ZNF680: variants seen among roughly 807,000 people sequenced by gnomAD.
The protein encoded by ZNF680 is hypothetical protein FLJ90430.
A neutral mutation model predicts 12.1 loss-of-function variants in ZNF680; 6 were observed. That is an observed-to-expected ratio of 0.49 (90% CI 0.27 to 0.98). The LOEUF (loss-of-function observed/expected upper bound fraction) is 0.98. Ranked by LOEUF, ZNF680 falls within the 50% of genes least tolerant of loss-of-function variation. The pLI is 0.12. For missense variants in ZNF680, 561 were observed against 616.3 expected, an observed-to-expected ratio of 0.91 and a Z score of 0.95; for synonymous variants, 170 against 199.3, an observed-to-expected ratio of 0.85 and a Z score of 1.24.
chr7:64,527,791 T>C (rs1379771976), intron 3 of ZNF680, among the ~76,000 whole-genome samples: 1 of 151,752 alleles, frequency 6.6e-6, no homozygotes, highest in African/African-American at 2.4e-5. Context: ...GGCATCATGG[T>C]GGATGGGAGG....
chr7:64,501,510 G>A, the ZNF680 span: 8 of 792,058 alleles, frequency 1.0e-5, no homozygotes, highest in Non-Finnish European at 1.8e-5. Flanking sequence ...GATGAAGAAC[G>A]GTAAGTGAGA....
At position 64,543,812 on chromosome 7, in the gene ZNF680, T is replaced by TA. The variant is rs766860147; in HGVS notation, c.158-11dup. On this transcript the variant is annotated splice_polypyrimidine_tract_variant and intron_variant, in intron 2 of 3. Coordinates refer to ENST00000309683, the MANE Select transcript of ZNF680 (RefSeq NM_178558.5). ...TTAGAGACAGCAATACCTGTTTTAT[T>TA]AAAAATAAATAACATGAATCTTGCT... 92 of 1,607,518 alleles carry TA rather than the reference T, an allele frequency of 5.7e-5. No individual in the cohort carries two copies. In the East Asian group the frequency reaches 1.9e-3, roughly 33 times the overall value.
intron 3 of ZNF680, chr7:64,525,165 G>C (rs180771433): frequency 1.4e-4 from 21 of 152,240 alleles, no homozygotes; most frequent in African/African-American, 4.3e-4. Flanking sequence ...CTACAGAATT[G>C]TAACAATTTG....
At position 64,556,828 on chromosome 7, in the gene ZNF680, G is replaced by C. The variant is rs576780088; in HGVS notation, c.30+6097C>G. On this transcript the variant is annotated intron_variant, in intron 1 of 3. Coordinates refer to ENST00000309683, the MANE Select transcript of ZNF680 (RefSeq NM_178558.5). ...AAATGGGACCTAAAGAAACTAAAGA[G>C]CTTCTTCACAGCAAAGCAAACTATC... Among the ~76,000 whole-genome samples the C allele has an allele frequency of 2.7e-4, 41 of 152,270 alleles. No homozygotes were observed. In the Middle Eastern group the frequency reaches 0.014, roughly 51 times the overall value.
intron 1 of ZNF680, among the ~76,000 whole-genome samples, chr7:64,546,299 T>C (rs956193227): frequency 1.3e-5 from 2 of 152,278 alleles, no homozygotes; most frequent in African/African-American, 4.8e-5. Flanking sequence ...CTTGAGAATA[T>C]GCCTCTAAAG....
intron 1 of ZNF680, chr7:64,551,519 CAGG>C (rs1310034643): frequency 1.9e-5 from 3 of 161,354 alleles, no homozygotes; most frequent in African/African-American, 4.8e-5. Flanking sequence ...GCCTGAGCTG[CAGG>C]AGGAGAGCCT....
intron 3 of ZNF680, among the ~76,000 whole-genome samples, chr7:64,527,758 A>C (rs1791948042): frequency 6.6e-6 from 1 of 152,116 alleles, no homozygotes; most frequent in Non-Finnish European, 1.5e-5. Context: ...AGTTGATCTC[A>C]AGAATTTGAG....
intron 3 of ZNF680, among the ~76,000 whole-genome samples, chr7:64,540,218 G>A (rs2116472821): frequency 6.6e-6 from 1 of 151,138 alleles, no homozygotes; most frequent in South Asian, 2.1e-4. Context: ...TACAAAATAA[G>A]CCATAACCAA....
the ZNF680 span, among the ~76,000 whole-genome samples, chr7:64,507,856 CACACACACACACACACACACACAT>C: frequency 7.0e-6 from 1 of 142,384 alleles, no homozygotes; most frequent in Non-Finnish European, 1.6e-5. Flanking sequence ...CACACACACA[CACACACACACACACACACACACAT>C]TTTTTTATTT....
chr7:64,557,075 C>T (rs1394049565), intron 1 of ZNF680, among the ~76,000 whole-genome samples: 1 of 152,010 alleles, frequency 6.6e-6, no homozygotes, highest in African/African-American at 2.4e-5. Context: ...ATGGTAAAAC[C>T]CCGTCTCTAC....
At chr7:64,542,387 A>T (rs1002197936) in intron 3 of ZNF680, among the ~76,000 whole-genome samples, 1 of 152,196 alleles carries the variant, frequency 6.6e-6, no homozygotes, top group Non-Finnish European at 1.5e-5. Flanking sequence ...TTAGTCAAAA[A>T]AAGTTTTTAA....
chr7:64,506,025 C>CA, the ZNF680 span, among the ~76,000 whole-genome samples: 1 of 152,022 alleles, frequency 6.6e-6, no homozygotes, highest in Non-Finnish European at 1.5e-5. Flanking sequence ...GCCACAAAGG[C>CA]AACACATTAG....
intron 1 of ZNF680, among the ~76,000 whole-genome samples, chr7:64,559,087 TC>T (rs929581028): frequency 6.6e-6 from 1 of 152,014 alleles, no homozygotes; most frequent in African/African-American, 2.4e-5. Flanking sequence ...AATCATGCAT[TC>T]CCCCTTCTCT....
At chr7:64,537,591 A>G (rs1042190609) in intron 3 of ZNF680, among the ~76,000 whole-genome samples, 5 of 152,220 alleles carry the variant, frequency 3.3e-5, no homozygotes, top group Non-Finnish European at 5.9e-5. Context: ...TACAACAGCA[A>G]AAACAATGTG....
downstream of ZNF680, among the ~76,000 whole-genome samples, chr7:64,517,428 C>T (rs1477212301): frequency 1.3e-5 from 2 of 152,048 alleles, no homozygotes; most frequent in Non-Finnish European, 2.9e-5. Context: ...AGACCAATAA[C>T]AAGCAGTGAG....
chr7:64,550,319 G>C (rs1417417217), intron 1 of ZNF680, among the ~76,000 whole-genome samples: 1 of 152,232 alleles, frequency 6.6e-6, no homozygotes. Context: ...GCAGTTTTAA[G>C]AGATAAATCA....
At position 64,555,718 on chromosome 7, in the gene ZNF680, A is replaced by G. The variant is rs192018985; in HGVS notation, c.30+7207T>C. Among the ~76,000 whole-genome samples, 356 of 107,376 alleles carry G rather than the reference A, an allele frequency of 3.3e-3. 2 individuals are homozygous for G. The highest frequency in any genetic ancestry group is 0.014 in the African/African-American group (335 of 23,742). The allele number at this position is 107,376 out of a possible 152,430, so 70.4% of individuals were successfully genotyped here. On this transcript the variant is annotated intron_variant, in intron 1 of 3. Coordinates refer to ENST00000309683, the MANE Select transcript of ZNF680 (RefSeq NM_178558.5). ...CGAGACCAAAAAATCCAGGAATTAA[A>G]CCTTTGTAAAAAAAAATATATATAT...
At chr7:64,554,117 C>T (rs1347937200) in intron 1 of ZNF680, among the ~76,000 whole-genome samples, 3 of 151,554 alleles carry the variant, frequency 2.0e-5, no homozygotes, top group African/African-American at 4.8e-5. Flanking sequence ...TCTTCCCGGC[C>T]GTCATCCCGT....
At chr7:64,502,606 T>C in the ZNF680 span, among the ~76,000 whole-genome samples, 28 of 152,344 alleles carry the variant, frequency 1.8e-4, no homozygotes, top group African/African-American at 6.7e-4. Context: ...TTAAGGTTGA[T>C]ACTGTGGGTT....
Sources: allele counts gnomAD v4.1 joint callset (sites outside exome capture counted in the v4.1 genomes callset), GRCh38; gene constraint gnomAD v4.1.1; transcripts MANE v1.5; gene names NCBI Gene and HGNC (gene_info 2026-07-23, HGNC 2026-07-21).